The following ARV1 variants were observed in gnomAD, a reference collection of about 807,000 sequenced individuals.
The protein encoded by ARV1 is ARV1 fatty acid homeostasis modulator, also known as protein ARV1.
In ARV1, 26 loss-of-function variants were observed where a neutral mutation model predicts 31.1. The ratio of observed to expected loss-of-function variants is 0.84; its 90% CI spans 0.61 to 1.16. ARV1 has a LOEUF of 1.16. ARV1 is among the 50% of genes most tolerant of loss of function. The pLI, the probability that ARV1 is intolerant of heterozygous loss-of-function variation, is 0.00. For missense variants in ARV1, 281 were observed against 324.9 expected (o/e 0.86, Z 1.04); for synonymous variants, 117 against 123.2 (o/e 0.95, Z 0.34).
chr1:230,997,538 A>G (rs1354845332), intron 5 of ARV1, among the ~76,000 whole-genome samples: 1 of 151,536 alleles, frequency 6.6e-6, no homozygotes, highest in Non-Finnish European at 1.5e-5. Context: ...CTCCACTCCC[A>G]CCCATTCTAC....
chr1:230,997,288 T>C, intron 5 of ARV1, 21 bp downstream of exon 5: 1 of 1,610,676 alleles, frequency 6.2e-7, no homozygotes, highest in Admixed American at 1.7e-5. Context: ...CATGTAGTGT[T>C]CATGCATTCA....
At chr1:230,997,021 T>G in intron 4 of ARV1, 100 bp from the exon 5 acceptor site, 2 of 1,401,342 alleles carry the variant, frequency 1.4e-6, no homozygotes, top group South Asian at 2.7e-5. Flanking sequence ...CATTGATTTT[T>G]CCAAAAACAG....
intron 5 of ARV1, among the ~76,000 whole-genome samples, chr1:230,997,825 T>G (rs1245143620): frequency 6.6e-6 from 1 of 152,156 alleles, no homozygotes; most frequent in African/African-American, 2.4e-5. Context: ...ACCTGTCTCC[T>G]AGAGAGCCTC....
chr1:230,988,504 G>A, intron 2 of ARV1, 65 bp downstream of exon 2: 2 of 1,349,374 alleles, frequency 1.5e-6, no homozygotes, highest in South Asian at 1.5e-5. Context: ...AGAATAATAA[G>A]AATTTTAAAC....
intron 3 of ARV1, among the ~76,000 whole-genome samples, chr1:230,993,084 T>A (rs1372598397): frequency 6.6e-6 from 1 of 152,090 alleles, no homozygotes; most frequent in Non-Finnish European, 1.5e-5. Context: ...CTCTTAAAAA[T>A]TTTTTTTAAT....
intron 3 of ARV1, among the ~76,000 whole-genome samples, chr1:230,991,240 C>T (rs1395839360): frequency 6.6e-6 from 1 of 152,180 alleles, no homozygotes; most frequent in Non-Finnish European, 1.5e-5. Context: ...TTTAGTAATA[C>T]TAAGTCTCCA....
intron 3 of ARV1, among the ~76,000 whole-genome samples, chr1:230,993,192 G>A (rs1388990070): frequency 6.6e-6 from 1 of 151,998 alleles, no homozygotes; most frequent in Non-Finnish European, 1.5e-5. Flanking sequence ...CTGGGCTCAA[G>A]GGATCCCCCT....
At chr1:230,984,371 T>TGTGCGCGTGC (rs1553303982) in intron 1 of ARV1, among the ~76,000 whole-genome samples, 6 of 85,574 alleles carry the variant, frequency 7.0e-5, no homozygotes, top group African/African-American at 2.6e-4. Context: ...TGCGTGTGTG[T>TGTGCGCGTGC]GTGTGTGTGT....
At chr1:230,994,667 G>A (rs534130901) in intron 3 of ARV1, among the ~76,000 whole-genome samples, 20 of 151,490 alleles carry the variant, frequency 1.3e-4, no homozygotes, top group Non-Finnish European at 2.2e-4. Flanking sequence ...TCAGCCTCCC[G>A]AGTAGCTGGG....
At chr1:230,985,774 T>C (rs1346706664) in intron 1 of ARV1, among the ~76,000 whole-genome samples, 6 of 152,134 alleles carry the variant, frequency 3.9e-5, no homozygotes, top group Admixed American at 3.9e-4. Context: ...TCCATGTGAG[T>C]AGCCAAGGGA....
Position 230,979,100 on chromosome 1 carries a change from G to A in ARV1, c.-6G>A, listed in dbSNP as rs769699594. 2 of 1,607,602 alleles carry A rather than the reference G, an allele frequency of 1.2e-6. No individual in the cohort carries two copies. The highest frequency in any genetic ancestry group is 1.7e-6 in the Non-Finnish European group (2 of 1,177,528). Reference sequence around the variant, plus strand: ...ATCGGAAGTTCTGGACTGCAGTTGAGTGGAAATGGGCAACGGCGGGCGGAG... The same window carrying A: ...ATCGGAAGTTCTGGACTGCAGTTGAATGGAAATGGGCAACGGCGGGCGGAG... On this transcript the variant is annotated 5_prime_UTR_variant, in exon 1 of 6. In the 5' UTR this introduces an upstream ATG that the reference lacks. Transcript: ENST00000310256.
intron 2 of ARV1, among the ~76,000 whole-genome samples, chr1:230,989,489 GA>G (rs769363070): frequency 6.6e-6 from 1 of 152,122 alleles, no homozygotes; most frequent in Non-Finnish European, 1.5e-5. Flanking sequence ...GGAATACATA[GA>G]AAAAAGCCAA....
rs749939010 is a variant in ARV1 at position 230,997,219 on chromosome 1, G to GT, written c.772_773insT (p.Asp258ValfsTer5). ...CTACTTCTTCCAGAGTATGGAATGG[G>GT]ATGTTGGAAGTGATTATGCCATCTT... is the stretch of plus-strand genomic sequence containing the variant. On this transcript the variant is annotated frameshift_variant, in exon 5 of 6. Coordinates refer to ENST00000310256, the MANE Select transcript of ARV1 (RefSeq NM_022786.3). LOFTEE classifies it high-confidence loss of function. The GT allele has an allele frequency of 6.2e-7, 1 of 1,614,014 alleles. No individual in the cohort carries two copies. Among genetic ancestry groups the GT allele is most frequent in the Non-Finnish European group, 8.5e-7 (1 of 1,179,882 alleles).
rs544784472 is a variant in ARV1 at position 230,995,820 on chromosome 1, C to CA, written c.518dup (p.Pro174AlafsTer14). The CA allele has an allele frequency of 7.5e-5, 119 of 1,596,182 alleles. No homozygotes were observed. Among genetic ancestry groups the CA allele is most frequent in the African/African-American group, 2.6e-4 (19 of 74,040 alleles). On this transcript the variant is annotated frameshift_variant, in exon 4 of 6. Coordinates refer to ENST00000310256, the MANE Select transcript of ARV1 (RefSeq NM_022786.3). LOFTEE classifies it high-confidence loss of function. ...CTGTGGGTAGAACGGCCCATGACGG[C>CA]AAAAAAAAAGCCCAACTTCATTTTG...
intron 5 of ARV1, among the ~76,000 whole-genome samples, chr1:230,998,576 C>T (rs1286024205): frequency 6.6e-6 from 1 of 152,132 alleles, no homozygotes; most frequent in African/African-American, 2.4e-5. Context: ...GTAAAACATA[C>T]TTTCACCCAG....
At chr1:230,981,893 CTCTTCTA>C (rs1225592639) in intron 1 of ARV1, among the ~76,000 whole-genome samples, 4 of 152,306 alleles carry the variant, frequency 2.6e-5, no homozygotes, top group African/African-American at 9.6e-5. Context: ...GCCTGGAGCA[CTCTTCTA>C]TCAGGTATCT....
intron 1 of ARV1, among the ~76,000 whole-genome samples, chr1:230,985,219 A>G (rs1679032440): frequency 6.6e-6 from 1 of 152,126 alleles, no homozygotes; most frequent in Non-Finnish European, 1.5e-5. Context: ...GCCGAATGCT[A>G]AGAAGGGAAA....
In ARV1 at chr1:230,986,668, A is replaced by ATTTTTTTTTTTTTTTTTTTTTTTTT. The variant is rs1162209283; in HGVS notation, c.175-1638_175-1614dup. ...CACCCACAAATGTAATACTTTTCCT[A>ATTTTTTTTTTTTTTTTTTTTTTTTT]TTTTTTTTTTTTTTTTTTTTTTTTT... On this transcript the variant is annotated intron_variant, in intron 1 of 5. Coordinates refer to ENST00000310256, the MANE Select transcript of ARV1 (RefSeq NM_022786.3). Among the ~76,000 whole-genome samples, 7 of 62,292 alleles carry ATTTTTTTTTTTTTTTTTTTTTTTTT rather than the reference A, an allele frequency of 1.1e-4. 2 individuals carry two copies. The highest frequency in any genetic ancestry group is 1.9e-4 in the Non-Finnish European group (6 of 32,224). The allele number at this position is 62,292 out of a possible 152,430, so 40.9% of individuals were successfully genotyped here. A position where few individuals can be genotyped will look rare whatever the true frequency, so the allele number is the denominator to read the frequency against.
intron 1 of ARV1, among the ~76,000 whole-genome samples, chr1:230,980,211 A>G (rs1341510635): frequency 3.3e-5 from 5 of 152,120 alleles, no homozygotes; most frequent in Admixed American, 3.3e-4. Context: ...GTTAAATCCA[A>G]CATATTGCCT....
Sources: gnomAD v4.1 joint callset for allele counts (sites outside exome capture counted in the v4.1 genomes callset) on GRCh38, gnomAD v4.1.1 for gene constraint, MANE v1.5 for transcripts, NCBI Gene and HGNC (gene_info 2026-07-23, HGNC 2026-07-21) for gene names.